MTERF4: variants seen among roughly 807,000 people sequenced by gnomAD.
MTERF4 encodes transcription termination factor 4, mitochondrial.
Under a neutral mutation model 22.5 loss-of-function variants are expected in MTERF4, and 17 were observed. The observed-to-expected ratio is 0.75, with a 90% CI of 0.52 to 1.13. The LOEUF (loss-of-function observed/expected upper bound fraction) is 1.13. Among genes scored for constraint, MTERF4 ranks in the 50% most tolerant of loss-of-function variants. The pLI is 0.00. For missense variants in MTERF4, 420 were observed against 466.8 expected, an observed-to-expected ratio of 0.90 and a Z score of 0.92; for synonymous variants, 165 against 175.3, an observed-to-expected ratio of 0.94 and a Z score of 0.47.
downstream of MTERF4, among the ~76,000 whole-genome samples, chr2:241,071,189 G>A (rs1012585141): frequency 2.0e-5 from 3 of 152,144 alleles, no homozygotes; most frequent in Non-Finnish European, 4.4e-5. Flanking sequence ...CAGCTGAAGC[G>A]TCCCATCAGG....
chr2:241,073,216 C>T lies in MTERF4; in HGVS notation n.2946G>A, dbSNP rs1357253469. ...CTCAAAAGGGTGGCCCCAGGACCAT[C>T]CCGGGTGCAAAGCAGCTGCGCCGTG... On this transcript the variant is annotated non_coding_transcript_exon_variant, in exon 5 of 5. Coordinates refer to the MTERF4 transcript ENST00000464344. This position sits in a 1 kb window ranked among gnomAD's most constrained non-coding sequence, Gnocchi z 6.6. The T allele has an allele frequency of 7.2e-7, 1 of 1,398,320 alleles. No individual in the cohort carries two copies. Among genetic ancestry groups the T allele is most frequent in the East Asian group, 2.5e-5 (1 of 39,826 alleles). The allele number at this position is 1,398,320 out of a possible 1,614,324, so 86.6% of individuals were successfully genotyped here.
chr2:241,071,970 AC>A, downstream of MTERF4: 1 of 1,072,070 alleles, frequency 9.3e-7, no homozygotes, highest in Middle Eastern at 2.0e-4. Context: ...TGATGAGCCC[AC>A]CCCCACCGCC....
At chr2:241,090,055 AAATTAACCTT>A, downstream of MTERF4, 1 of 1,534,040 alleles carries the variant, frequency 6.5e-7, no homozygotes. Context: ...CTGCAATAAG[AAATTAACCTT>A]AGCTTACTGT....
chr2:241,084,507 A>C (rs1030221928), downstream of MTERF4, among the ~76,000 whole-genome samples: 1 of 152,134 alleles, frequency 6.6e-6, no homozygotes, highest in Non-Finnish European at 1.5e-5. Flanking sequence ...GCATACCTTT[A>C]ATCACTAGTA....
downstream of MTERF4, chr2:241,088,737 C>G (rs568278458): frequency 2.4e-5 from 8 of 332,678 alleles, no homozygotes; most frequent in South Asian, 4.2e-4. Flanking sequence ...GGGGGGTGGG[C>G]CCTTGGAGAG....
downstream of MTERF4, chr2:241,087,193 A>G (rs4035): frequency 0.24 from 139,429 of 571,648 alleles, 25,566 homozygotes; most frequent in African/African-American, 0.67. Context: ...TTACTGTACC[A>G]CAATAAATTT....
At chr2:241,055,898 C>G in the MTERF4 span, among the ~76,000 whole-genome samples, 1 of 152,234 alleles carries the variant, frequency 6.6e-6, no homozygotes, top group South Asian at 2.1e-4. Flanking sequence ...CTTAAAACTG[C>G]TCTAGCCCCA....
chr2:241,053,154 G>C, the MTERF4 span: 1 of 1,609,306 alleles, frequency 6.2e-7, no homozygotes, highest in Non-Finnish European at 8.5e-7. Context: ...GCCTTGCAGA[G>C]GTGGACTGCG....
the MTERF4 span, chr2:241,048,676 T>TG: frequency 6.2e-7 from 1 of 1,611,200 alleles, no homozygotes; most frequent in Non-Finnish European, 8.5e-7. Context: ...CCCCGATGAC[T>TG]GTGAGTGCCG....
At chr2:241,090,393 G>T (rs1437920687), downstream of MTERF4, 3 of 1,549,748 alleles carry the variant, frequency 1.9e-6, no homozygotes, top group Admixed American at 2.0e-5. Flanking sequence ...CCTCCTGAAG[G>T]ACCTGCCTGA....
chr2:241,071,341 CTGTGTCATG>C, downstream of MTERF4: 1 of 594,774 alleles, frequency 1.7e-6, no homozygotes, highest in Non-Finnish European at 3.0e-6. Context: ...CAGTGCACGC[CTGTGTCATG>C]GCTGCGCATG....
the MTERF4 span, chr2:241,064,126 G>A: frequency 6.5e-7 from 1 of 1,549,878 alleles, no homozygotes; most frequent in Non-Finnish European, 8.7e-7. The surrounding 1 kb of genome is among the most constrained non-coding windows in gnomAD (Gnocchi z 7.0). Context: ...TGCGAGACAG[G>A]TAGGGCGGCA....
the MTERF4 span, among the ~76,000 whole-genome samples, chr2:241,058,690 C>A: frequency 6.6e-6 from 1 of 152,188 alleles, no homozygotes; most frequent in Non-Finnish European, 1.5e-5. Context: ...GTGGCTCATG[C>A]CTGTAATCGC....
chr2:241,081,895 G>A (rs1344554217), intron 4 of MTERF4: 12 of 868,114 alleles, frequency 1.4e-5, no homozygotes, highest in South Asian at 4.4e-5. Flanking sequence ...GCCTCCAAAC[G>A]ATGAGGTGCC....
rs766556346 is a variant in MTERF4 at position 241,099,577 on chromosome 2, G to A, written c.339C>T (p.Leu113=). The change falls in exon 2 of 4, where the codon CTC becomes CTT. Residue 113 remains leucine, a synonymous_variant. Transcript: ENST00000391980. The part of the protein sequence containing the change: ...GFSNAHINEL[L]SVRRGASLQQ... ...GAAGACTGGCACCTCGCCGTACACT[G>A]AGCAATTCATTAATATGGGCATTGC... 12 of 1,614,214 alleles carry A rather than the reference G, an allele frequency of 7.4e-6. No homozygotes were observed. The highest frequency in any genetic ancestry group is 1.7e-5 in the Admixed American group (1 of 60,036).
the MTERF4 span, among the ~76,000 whole-genome samples, chr2:241,044,907 A>G: frequency 6.6e-6 from 1 of 152,204 alleles, no homozygotes; most frequent in Non-Finnish European, 1.5e-5. Context: ...GGACTGAAAA[A>G]GGTAGCCCCA....
downstream of MTERF4, among the ~76,000 whole-genome samples, chr2:241,068,759 T>C (rs1446155674): frequency 6.6e-6 from 1 of 152,110 alleles, no homozygotes; most frequent in Non-Finnish European, 1.5e-5. The surrounding 1 kb of genome is among the most constrained non-coding windows in gnomAD (Gnocchi z 5.3). Flanking sequence ...CTGAGGGCCA[T>C]GAGTCTGCCC....
chr2:241,100,126 C>T (rs188760281), intron 1 of MTERF4: 3 of 471,306 alleles, frequency 6.4e-6, no homozygotes, highest in Non-Finnish European at 1.1e-5. Flanking sequence ...ATATTGTTAG[C>T]TTTTGCAGCT....
the MTERF4 span, chr2:241,065,608 G>A: frequency 1.2e-3 from 1,886 of 1,607,926 alleles, 16 homozygotes; most frequent in African/African-American, 0.02. Flanking sequence ...GAGTGTCCCC[G>A]AGCCTGGCCG....
Sources: gnomAD v4.1 joint callset for allele counts (sites outside exome capture counted in the v4.1 genomes callset) on GRCh38, gnomAD v4.1.1 for gene constraint, Gnocchi (gnomAD v3.1) non-coding constraint, MANE v1.5 for transcripts, NCBI Gene and HGNC (gene_info 2026-07-23, HGNC 2026-07-21) for gene names.